ASAP2: variants seen among roughly 807,000 people sequenced by gnomAD.
The protein encoded by ASAP2 is ArfGAP with SH3 domain, ankyrin repeat and PH domain 2.
Under a neutral mutation model 131.4 loss-of-function variants are expected in ASAP2, and 45 were observed. The observed-to-expected ratio is 0.34, with a 90% CI of 0.27 to 0.44. ASAP2 has a LOEUF of 0.44. Ranked by LOEUF, ASAP2 falls within the 20% of genes least tolerant of loss-of-function variation. The pLI, the probability that ASAP2 is intolerant of heterozygous loss-of-function variation, is 1.00. For synonymous variants in ASAP2, 510 were observed against 503.0 expected (o/e 1.01, Z -0.19); for missense variants, 1,011 against 1,297.0 (o/e 0.78, Z 3.39).
At chr2:9,306,208 G>T (rs562819560) in intron 3 of ASAP2, among the ~76,000 whole-genome samples, 1 of 149,856 alleles carries the variant, frequency 6.7e-6, no homozygotes, top group East Asian at 2.0e-4. Context: ...GCAGGAGGGT[G>T]TATATACCAC....
intron 12 of ASAP2, among the ~76,000 whole-genome samples, chr2:9,354,025 G>T (rs1193383873): frequency 6.6e-6 from 1 of 152,186 alleles, no homozygotes; most frequent in East Asian, 1.9e-4. Flanking sequence ...TAGGAGGATG[G>T]TTCTGTGGCA....
intron 24 of ASAP2, among the ~76,000 whole-genome samples, chr2:9,394,443 C>T (rs540031327): frequency 3.3e-5 from 5 of 152,172 alleles, no homozygotes; most frequent in South Asian, 4.1e-4. Context: ...GGATTACAGG[C>T]GTGAGCCACT....
At position 9,389,215 on chromosome 2, in the gene ASAP2, T is replaced by C; in HGVS notation, c.2383+669T>C. ...GAAGAGCAGCTGGCTACGGTGCTTC[T>C]TGAAGGCAGGTCCGGCGAGTGACCC... On this transcript the variant is annotated intron_variant, in intron 22 of 27. Transcript: ENST00000281419. The surrounding 1 kb of genome is among the most constrained non-coding windows in gnomAD (Gnocchi z 4.7). Among the ~76,000 whole-genome samples, 1 of 152,250 alleles carries C rather than the reference T, an allele frequency of 6.6e-6. No homozygotes were observed. Among genetic ancestry groups the C allele is most frequent in the East Asian group, 1.9e-4 (1 of 5,204 alleles).
chr2:9,352,248 A>ACAC (rs1558357880), intron 12 of ASAP2, among the ~76,000 whole-genome samples: 3 of 133,824 alleles, frequency 2.2e-5, no homozygotes, highest in East Asian at 2.1e-4. Flanking sequence ...CACACACACA[A>ACAC]ACACACACAC....
chr2:9,401,581 C>A (rs780973843), intron 27 of ASAP2, among the ~76,000 whole-genome samples, 185 bp downstream of exon 27: 3 of 152,202 alleles, frequency 2.0e-5, no homozygotes, highest in Non-Finnish European at 2.9e-5. Flanking sequence ...TCTGAGCAGG[C>A]CTGATTATTC....
chr2:9,317,179 AAC>A (rs1167323922), intron 3 of ASAP2, among the ~76,000 whole-genome samples: 18 of 116,346 alleles, frequency 1.5e-4, no homozygotes, highest in East Asian at 1.1e-3. Flanking sequence ...CACCACACTC[AAC>A]ACACACCCCA....
chr2:9,262,589 AG>A (rs1248552707), intron 1 of ASAP2, among the ~76,000 whole-genome samples: 9 of 152,238 alleles, frequency 5.9e-5, no homozygotes, highest in Non-Finnish European at 4.4e-5. Context: ...ATCCAGAACC[AG>A]TGATTTGTAA....
In ASAP2 at chr2:9,362,649, A is replaced by G. The variant is rs1673184107; in HGVS notation, c.1461+3760A>G. On this transcript the variant is annotated intron_variant, in intron 15 of 27. Coordinates refer to ENST00000281419, the MANE Select transcript of ASAP2 (RefSeq NM_003887.3). ...AGTCTGGGAGTTCAAGACCAGCCTG[A>G]CCAACATAGGGAGACCTCCATCTCT... Among the ~76,000 whole-genome samples the G allele has an allele frequency of 2.0e-5, 3 of 152,048 alleles. No homozygotes were observed. In the South Asian group the frequency reaches 6.2e-4, roughly 32 times the overall value.
At chr2:9,245,628 A>G (rs978119199) in intron 1 of ASAP2, among the ~76,000 whole-genome samples, 11 of 152,208 alleles carry the variant, frequency 7.2e-5, no homozygotes, top group African/African-American at 2.7e-4. Context: ...CTTCAGTCAG[A>G]AAATACCTAC....
chr2:9,284,436 T>G (rs1298521674), intron 2 of ASAP2, among the ~76,000 whole-genome samples: 2 of 152,164 alleles, frequency 1.3e-5, no homozygotes, highest in African/African-American at 4.8e-5. Context: ...ATGGTGTCAT[T>G]TAGGATAAAG....
intron 2 of ASAP2, among the ~76,000 whole-genome samples, chr2:9,284,827 T>C (rs563921601): frequency 2.6e-4 from 40 of 152,298 alleles, no homozygotes; most frequent in African/African-American, 9.1e-4. Flanking sequence ...CAATTTTAGA[T>C]GTAAGTGGTG....
rs148656730 is a variant in ASAP2, at chr2:9,217,004, G to A, written c.126+9774G>A. On this transcript the variant is annotated intron_variant, in intron 1 of 27. Coordinates refer to ENST00000281419, the MANE Select transcript of ASAP2 (RefSeq NM_003887.3). This position sits in a 1 kb window ranked among gnomAD's most constrained non-coding sequence, Gnocchi z 4.0. ...TAACTCATTTAGTTATTATCAAAAT[G>A]CTATAGGGGCCAGCAAAATTAGGCC... Among the ~76,000 whole-genome samples, 6 of 152,218 alleles carry A rather than the reference G, an allele frequency of 3.9e-5. No homozygotes were observed. Among genetic ancestry groups the A allele is most frequent in the African/African-American group, 1.4e-4 (6 of 41,540 alleles).
intron 3 of ASAP2, among the ~76,000 whole-genome samples, chr2:9,306,292 G>A (rs1191393170): frequency 6.6e-6 from 1 of 151,592 alleles, no homozygotes; most frequent in Non-Finnish European, 1.5e-5. Context: ...CGGGTGGGAG[G>A]GCTGTAGTAG....
chr2:9,346,945 A>G (rs1481873652), intron 11 of ASAP2, among the ~76,000 whole-genome samples: 2 of 152,234 alleles, frequency 1.3e-5, no homozygotes, highest in African/African-American at 4.8e-5. Flanking sequence ...TTTGGCAGAT[A>G]GTACGGTTAT....
rs1355530618 is a variant in ASAP2 at position 9,368,653 on chromosome 2, G to C, written c.1556+134G>C. The stretch of plus-strand genomic sequence containing the variant: ...TAGGGAATAAATCAGCCTATGTTGG[G>C]TTTTCTTAGTCACTTTAACCTTTTG... On this transcript the variant is annotated intron_variant, in intron 16 of 27. Coordinates refer to ENST00000281419, the MANE Select transcript of ASAP2 (RefSeq NM_003887.3). 9.9e-6 allele frequency: 7 copies of C among 708,276 alleles called. No homozygotes were observed. In the Admixed American group the frequency reaches 1.6e-4, roughly 17 times the overall value. The allele number at this position is 708,276 out of a possible 1,614,324, so 43.9% of individuals were successfully genotyped here.
intron 4 of ASAP2, among the ~76,000 whole-genome samples, chr2:9,319,224 G>A (rs72775216): frequency 0.018 from 2,677 of 152,340 alleles, 35 homozygotes; most frequent in Non-Finnish European, 0.027. Flanking sequence ...CCTGCGCATC[G>A]CCAGCCCTGA....
chr2:9,300,285 T>TGGGAG, intron 3 of ASAP2, among the ~76,000 whole-genome samples: 1 of 152,374 alleles, frequency 6.6e-6, no homozygotes, highest in East Asian at 1.9e-4. Context: ...TCAGAGTCCT[T>TGGGAG]GCCTAGGCAG....
At position 9,403,236 on chromosome 2, in the gene ASAP2, A is replaced by G. The variant is rs74867938; in HGVS notation, c.2947-17A>G. The G allele has an allele frequency of 5.4e-3, 8,653 of 1,611,974 alleles. 384 individuals carry two copies. The African/African-American group carries it at 0.1, about 19-fold the overall frequency. On this transcript the variant is annotated splice_polypyrimidine_tract_variant and intron_variant, in intron 27 of 27. Transcript: ENST00000281419. Reference sequence around the variant, plus strand: ...ATTTGGAATTTTAATAACAACCTACACTTTTCTCCATTTCAGATTGGCCAC... The same window carrying G: ...ATTTGGAATTTTAATAACAACCTACGCTTTTCTCCATTTCAGATTGGCCAC...
At position 9,293,949 on chromosome 2, in the gene ASAP2, G is replaced by C. The variant is rs147447022; in HGVS notation, c.200-3351G>C. Among the ~76,000 whole-genome samples, 331 of 152,154 alleles carry C rather than the reference G, an allele frequency of 2.2e-3. 1 individual carries two copies. Among genetic ancestry groups the C allele is most frequent in the African/African-American group, 7.5e-3 (311 of 41,494 alleles). ...CCAAAGAACTAATTGATCACCTTGG[G>C]GTTGCTGGGGATCAATACATCGTTT... On this transcript the variant is annotated intron_variant, in intron 2 of 27. Coordinates refer to ENST00000281419, the MANE Select transcript of ASAP2 (RefSeq NM_003887.3).
Sources: gnomAD v4.1 joint callset for allele counts (sites outside exome capture counted in the v4.1 genomes callset) on GRCh38, gnomAD v4.1.1 for gene constraint, Gnocchi (gnomAD v3.1) non-coding constraint, MANE v1.5 for transcripts, NCBI Gene and HGNC (gene_info 2026-07-23, HGNC 2026-07-21) for gene names.